SESTD1: variants seen among roughly 807,000 people sequenced by gnomAD.
SESTD1 encodes the protein SEC14 domain and spectrin repeat-containing protein 1.
Under a neutral mutation model 101.7 loss-of-function variants are expected in SESTD1, and 43 were observed. The ratio of observed to expected loss-of-function variants is 0.42; its 90% CI spans 0.33 to 0.55. The LOEUF is 0.55. Among genes scored for constraint, SESTD1 ranks in the 20% least tolerant of loss-of-function variants. The pLI is 0.07. For missense variants in SESTD1, 647 were observed against 815.1 expected, an observed-to-expected ratio of 0.79 and a Z score of 2.51; for synonymous variants, 283 against 286.8, an observed-to-expected ratio of 0.99 and a Z score of 0.13.
intron 10 of SESTD1, 37 bp from the exon 11 acceptor site, chr2:179,124,595 A>T (rs921267630): frequency 6.6e-7 from 1 of 1,515,994 alleles, no homozygotes; most frequent in Non-Finnish European, 9.1e-7. Flanking sequence ...CTAAGGCTCA[A>T]ATTAGTTCCT....
At chr2:179,129,758 T>G (rs916987152) in intron 10 of SESTD1, among the ~76,000 whole-genome samples, 1 of 152,336 alleles carries the variant, frequency 6.6e-6, no homozygotes, top group African/African-American at 2.4e-5. Context: ...AATAAAATAT[T>G]AGAATATCTT....
At chr2:179,233,309 C>A (rs887443765) in intron 1 of SESTD1, among the ~76,000 whole-genome samples, 2 of 152,144 alleles carry the variant, frequency 1.3e-5, no homozygotes, top group Non-Finnish European at 2.9e-5. Context: ...TAAGATTGAG[C>A]AAATAAGTAA....
intron 15 of SESTD1, 64 bp from the exon 16 acceptor site, chr2:179,115,320 T>C (rs546828648): frequency 7.8e-7 from 1 of 1,276,592 alleles, no homozygotes; most frequent in Non-Finnish European, 1.1e-6. Context: ...ATGGGGAAAG[T>C]GTGCAGGAAG....
At position 179,101,815 on chromosome 2, in the gene SESTD1, A is replaced by G. The variant is rs1385210712; in HGVS notation, c.*8084T>C. 6.6e-6 allele frequency: 1 copy of G among 152,166 alleles called. No homozygotes were observed. The highest frequency in any genetic ancestry group is 6.5e-5 in the Admixed American group (1 of 15,268). The allele number at this position is 152,166 out of a possible 1,614,324, so 9.4% of individuals were successfully genotyped here. ...AAACCTAGAGATGGATGGATACTCT[A>G]ACATGTAAAGTAAACATGTCCATTA... On this transcript the variant is annotated 3_prime_UTR_variant, in exon 18 of 18. Transcript: ENST00000428443.
chr2:179,240,974 A>G (rs2047143641), intron 1 of SESTD1, among the ~76,000 whole-genome samples: 1 of 152,200 alleles, frequency 6.6e-6, no homozygotes, highest in South Asian at 2.1e-4. Context: ...TTAAAACAAA[A>G]AAAAAGAAAC....
In SESTD1 at chr2:179,201,091, C is replaced by A. The variant is rs556991881; in HGVS notation, c.-25-9225G>T. Among the ~76,000 whole-genome samples, 29 of 134,436 alleles carry A rather than the reference C, an allele frequency of 2.2e-4. 3 individuals carry two copies. The East Asian group carries it at 4.6e-3, about 21-fold the overall frequency. The allele number at this position is 134,436 out of a possible 152,430, so 88.2% of individuals were successfully genotyped here. A position where few individuals can be genotyped will look rare whatever the true frequency, so the allele number is the denominator to read the frequency against. ...AAATTTACAAGAAAAAAACAAACAA[C>A]CCCATCAAAAAGTGGGCGAAGGACA... On this transcript the variant is annotated intron_variant, in intron 1 of 17. Coordinates refer to ENST00000428443, the MANE Select transcript of SESTD1 (RefSeq NM_178123.5).
chr2:179,144,409 T>G (rs2045351119), intron 8 of SESTD1, among the ~76,000 whole-genome samples: 1 of 152,042 alleles, frequency 6.6e-6, no homozygotes, highest in Admixed American at 6.6e-5. Flanking sequence ...TCACAATATA[T>G]TAACTGTGAA....
chr2:179,168,131 G>A (rs1403787531), intron 5 of SESTD1, among the ~76,000 whole-genome samples: 1 of 152,094 alleles, frequency 6.6e-6, no homozygotes, highest in East Asian at 1.9e-4. Context: ...TTATAAGGGA[G>A]TTTTCTTCTG....
rs148998212 is a variant in SESTD1, at chr2:179,257,989, A to G, written c.-26+6510T>C. Among the ~76,000 whole-genome samples the G allele has an allele frequency of 4.6e-5, 7 of 152,330 alleles. No homozygotes were observed. The East Asian group carries it at 1.2e-3, about 25-fold the overall frequency. On this transcript the variant is annotated intron_variant, in intron 1 of 17. Coordinates refer to ENST00000428443, the MANE Select transcript of SESTD1 (RefSeq NM_178123.5). ...CAGGAGAGACCTATGACACCTTACC[A>G]AAGCCCAATGTGGCAAAATTGATTT...
At chr2:179,244,024 T>C (rs1490147946) in intron 1 of SESTD1, among the ~76,000 whole-genome samples, 1 of 151,008 alleles carries the variant, frequency 6.6e-6, no homozygotes, top group Non-Finnish European at 1.5e-5. Flanking sequence ...CTTGGGAGGC[T>C]CCAGCAGGAG....
At position 179,132,345 on chromosome 2, in the gene SESTD1, C is replaced by A; in HGVS notation, c.931G>T (p.Ala311Ser). 1 of 1,563,876 alleles carries A rather than the reference C, an allele frequency of 6.4e-7. No homozygotes were observed. The stretch of plus-strand genomic sequence containing the variant: ...ATCTCTTCGTGTTTCTGCTGTAGGG[C>A]CTGGGAGGCCCTAATGGAGTCTCCA... ...GIGDSIRASQ[A>S]LQQKHEEIES... Residue 311 changes from alanine to serine, a missense_variant, in exon 10 of 18, where the codon GCC becomes TCC. Coordinates refer to ENST00000428443, the MANE Select transcript of SESTD1 (RefSeq NM_178123.5).
intron 5 of SESTD1, chr2:179,162,565 G>C (rs1421636100): frequency 6.7e-6 from 1 of 149,072 alleles, no homozygotes; most frequent in African/African-American, 2.6e-5. Flanking sequence ...CTCAGAAACA[G>C]GCAGACATTA....
At chr2:179,152,784 T>C (rs932948909) in intron 5 of SESTD1, among the ~76,000 whole-genome samples, 1 of 152,030 alleles carries the variant, frequency 6.6e-6, no homozygotes, top group East Asian at 1.9e-4. Flanking sequence ...ATACATTAAA[T>C]GGAAATTAAG....
chr2:179,242,774 A>G (rs147291704), intron 1 of SESTD1, among the ~76,000 whole-genome samples: 1 of 152,178 alleles, frequency 6.6e-6, no homozygotes, highest in Non-Finnish European at 1.5e-5. Flanking sequence ...ACCGGACAGT[A>G]CCTTTTACCA....
At chr2:179,228,625 G>T (rs969260803) in intron 1 of SESTD1, among the ~76,000 whole-genome samples, 2 of 152,134 alleles carry the variant, frequency 1.3e-5, no homozygotes, top group African/African-American at 4.8e-5. Context: ...GGTTTCAGTA[G>T]GGAAAAAATT....
chr2:179,131,641 A>G (rs1297709474), intron 10 of SESTD1, among the ~76,000 whole-genome samples: 2 of 152,212 alleles, frequency 1.3e-5, no homozygotes, highest in East Asian at 3.8e-4. Flanking sequence ...TCTCTTTCTC[A>G]GTAATGAAGA....
intron 1 of SESTD1, among the ~76,000 whole-genome samples, chr2:179,194,578 T>C (rs1263162168): frequency 6.6e-6 from 1 of 152,076 alleles, no homozygotes; most frequent in Non-Finnish European, 1.5e-5. Context: ...GCAGATGAAG[T>C]GCATACCCCA....
intron 1 of SESTD1, among the ~76,000 whole-genome samples, chr2:179,241,910 A>G (rs1394381180): frequency 1.3e-5 from 2 of 149,816 alleles, no homozygotes; most frequent in African/African-American, 4.9e-5. Flanking sequence ...TGAAAGAGCG[A>G]GACATTGTCT....
At position 179,190,421 on chromosome 2, in the gene SESTD1, TA is replaced by T. The variant is rs2046303056; in HGVS notation, c.55+1365del. ...GAATTAAAGACTTAAACCTAAGGCC[TA>T]AAACTATAAAAATCCTAGAAGAAAA... On this transcript the variant is annotated intron_variant, in intron 2 of 17. Transcript: ENST00000428443. 2.0e-5 allele frequency among the ~76,000 whole-genome samples: 3 copies of T among 152,218 alleles called. No homozygotes were observed. In the South Asian group the frequency reaches 6.2e-4, roughly 32 times the overall value.
Sources: gnomAD v4.1 joint callset for allele counts (sites outside exome capture counted in the v4.1 genomes callset) on GRCh38, gnomAD v4.1.1 for gene constraint, MANE v1.5 for transcripts, NCBI Gene and HGNC (gene_info 2026-07-23, HGNC 2026-07-21) for gene names.